The following LARP1 variants were observed in gnomAD, a reference collection of about 807,000 sequenced individuals.
The protein encoded by LARP1 is la-related protein 1.
A neutral mutation model predicts 122.7 loss-of-function variants in LARP1; 36 were observed. That is an observed-to-expected ratio of 0.29 (90% CI 0.22 to 0.39). The LOEUF is 0.39. Among genes scored for constraint, LARP1 ranks in the 10% least tolerant of loss-of-function variants. The pLI is 1.00. For synonymous variants in LARP1, 539 were observed against 528.7 expected (o/e 1.02, Z -0.27); for missense variants, 1,040 against 1,403.6 (o/e 0.74, Z 4.14).
intron 1 of LARP1, among the ~76,000 whole-genome samples, chr5:154,718,017 A>G (rs922241659): frequency 6.6e-6 from 1 of 152,068 alleles, no homozygotes; most frequent in African/African-American, 2.4e-5. Flanking sequence ...TCCTGGGCTC[A>G]AGGAATCCTC....
At chr5:154,800,079 C>T (rs1758220752) in intron 10 of LARP1, 37 bp downstream of exon 10, 1 of 1,600,458 alleles carries the variant, frequency 6.2e-7, no homozygotes, top group South Asian at 1.1e-5. Context: ...GGTTCTAGCA[C>T]TCTGAGCTAG....
chr5:154,684,443 C>A (rs755377708), intron 1 of LARP1, among the ~76,000 whole-genome samples: 2 of 152,088 alleles, frequency 1.3e-5, no homozygotes, highest in African/African-American at 2.4e-5. Context: ...CACACACACA[C>A]ACAAAAAAAT....
upstream of LARP1, among the ~76,000 whole-genome samples, chr5:154,750,460 TG>T (rs1476172782): frequency 6.6e-6 from 1 of 152,058 alleles, no homozygotes; most frequent in East Asian, 1.9e-4. Flanking sequence ...TTTGTAGAGA[TG>T]GTGTTTTGTC....
At chr5:154,781,093 TTAC>T (rs1756385534) in intron 1 of LARP1, among the ~76,000 whole-genome samples, 1 of 151,782 alleles carries the variant, frequency 6.6e-6, no homozygotes, top group Non-Finnish European at 1.5e-5. Flanking sequence ...TGAGTTTGTG[TTAC>T]CTGAGGTGGT....
chr5:154,685,485 C>A (rs1283742407), intron 1 of LARP1, among the ~76,000 whole-genome samples: 1 of 152,074 alleles, frequency 6.6e-6, no homozygotes, highest in Admixed American at 6.6e-5. Flanking sequence ...ATGTTACTTC[C>A]TTGGGGTGCC....
At chr5:154,712,870 C>A in exon 1 of LARP1, 2 of 1,504,108 alleles carry the variant, frequency 1.3e-6, no homozygotes, top group South Asian at 1.1e-5. Flanking sequence ...GCTGTGCGAT[C>A]TGGATGTACC....
chr5:154,754,504 C>T (rs1292860557), upstream of LARP1, among the ~76,000 whole-genome samples: 1 of 152,214 alleles, frequency 6.6e-6, no homozygotes, highest in East Asian at 1.9e-4. Flanking sequence ...TTCAACTCCG[C>T]CCAAAGCAAT....
intron 1 of LARP1, among the ~76,000 whole-genome samples, chr5:154,700,218 C>T: frequency 6.6e-6 from 1 of 152,076 alleles, no homozygotes; most frequent in East Asian, 1.9e-4. Flanking sequence ...GAACAAAATG[C>T]CCAAATTTTA....
chr5:154,786,389 G>A (rs908436646), intron 1 of LARP1: 16 of 447,972 alleles, frequency 3.6e-5, no homozygotes, highest in African/African-American at 8.0e-5. Context: ...AGAAGCCCCC[G>A]GACCCCCTGG....
intron 1 of LARP1, 126 bp from the exon 2 acceptor site, chr5:154,790,199 G>A (rs1047829456): frequency 8.5e-6 from 6 of 704,520 alleles, no homozygotes; most frequent in Non-Finnish European, 1.5e-5. Flanking sequence ...CCTCTCTACT[G>A]TGTCTTTCTC....
At chr5:154,786,451 A>G (rs894576835) in intron 1 of LARP1, 5 of 456,060 alleles carry the variant, frequency 1.1e-5, no homozygotes, top group African/African-American at 6.0e-5. Flanking sequence ...CCTCTGGGAC[A>G]GAAGGTGGTT....
Position 154,803,860 on chromosome 5 carries a change from C to T in LARP1, c.2439+115C>T, listed in dbSNP as rs766931289. The T allele has an allele frequency of 6.4e-5, 70 of 1,088,388 alleles. No individual in the cohort carries two copies. The highest frequency in any genetic ancestry group is 9.3e-5 in the Non-Finnish European group (69 of 739,660). The allele number at this position is 1,088,388 out of a possible 1,614,324, so 67.4% of individuals were successfully genotyped here. ...AAGGAAGTGCTAAATCCTTCACCTG[C>T]TCTGTGTTCTGAGGCTGGTGGGCTT... is the stretch of plus-strand genomic sequence containing the variant. On this transcript the variant is annotated intron_variant, in intron 13 of 18. Transcript: ENST00000518297. The surrounding 1 kb of genome is among the most constrained non-coding windows in gnomAD (Gnocchi z 4.4).
In LARP1 at chr5:154,689,172, G is replaced by A. The variant is rs1582138447; in HGVS notation, c.-180+6135G>A. 3.3e-5 allele frequency among the ~76,000 whole-genome samples: 5 copies of A among 151,812 alleles called. No individual in the cohort carries two copies. In the East Asian group the frequency reaches 9.7e-4, roughly 29 times the overall value. The stretch of plus-strand genomic sequence containing the variant: ...CATGTCTACTAAAAATACAAAAATT[G>A]GCTGGGTGCGGTGGCTCACGCCTGT... On this transcript the variant is annotated intron_variant, in intron 1 of 18. Coordinates refer to the LARP1 transcript ENST00000687700.
At chr5:154,795,137 C>CA in intron 7 of LARP1, 38 bp from the exon 8 acceptor site, 1 of 1,605,042 alleles carries the variant, frequency 6.2e-7, no homozygotes, top group Admixed American at 1.7e-5. Context: ...ACTGATGCAC[C>CA]AATCCCTCGG....
At position 154,732,189 on chromosome 5, in the gene LARP1, CAAA is replaced by C. The variant is rs767228522; in HGVS notation, c.205+19073_205+19075del. Among the ~76,000 whole-genome samples the C allele has an allele frequency of 2.9e-3, 113 of 39,194 alleles. 1 individual carries two copies. Among genetic ancestry groups the C allele is most frequent in the Middle Eastern group, 0.028 (2 of 72 alleles). The allele number at this position is 39,194 out of a possible 152,430, so 25.7% of individuals were successfully genotyped here. ...TAAAACAAAACAAAACAAAACAAAA[CAAA>C]AAAAAAAAAAAAAGAAAGGTGAATC... On this transcript the variant is annotated intron_variant, in intron 1 of 18. Transcript: ENST00000336314.
At chr5:154,714,139 C>A in intron 1 of LARP1, among the ~76,000 whole-genome samples, 1 of 152,090 alleles carries the variant, frequency 6.6e-6, no homozygotes. Context: ...TTCTTATGAC[C>A]AAACAAAGTC....
intron 8 of LARP1, among the ~76,000 whole-genome samples, chr5:154,798,907 C>T (rs531878886): frequency 6.6e-6 from 1 of 152,360 alleles, no homozygotes; most frequent in Admixed American, 6.5e-5. Flanking sequence ...CCCTGTCGCC[C>T]AGGCTGGAGT....
In LARP1 at chr5:154,692,991, A is replaced by AT. The variant is rs1554078476; in HGVS notation, c.-180+9968dup. 7.1e-4 allele frequency among the ~76,000 whole-genome samples: 93 copies of AT among 131,390 alleles called. 2 individuals carry two copies. The highest frequency in any genetic ancestry group is 2.7e-3 in the Admixed American group (33 of 12,266). 86.2% of individuals were successfully genotyped at this position (131,390 alleles called of 152,430 possible). On this transcript the variant is annotated intron_variant, in intron 1 of 18. Transcript: ENST00000687700. Reference sequence around the variant, plus strand: ...ACCCAGCTAATTTTAATTTTTAATTATTTTTTTTTTTTTTGTAGAGACAAA... The same window carrying AT: ...ACCCAGCTAATTTTAATTTTTAATTATTTTTTTTTTTTTTTGTAGAGACAAA...
At chr5:154,726,030 G>A (rs1216735594) in intron 1 of LARP1, among the ~76,000 whole-genome samples, 2 of 152,080 alleles carry the variant, frequency 1.3e-5, no homozygotes, top group African/African-American at 2.4e-5. Context: ...AGTAGAGACG[G>A]GTTATCTCCA....
Sources: gnomAD v4.1 joint callset for allele counts (sites outside exome capture counted in the v4.1 genomes callset) on GRCh38, gnomAD v4.1.1 for gene constraint, Gnocchi (gnomAD v3.1) non-coding constraint, MANE v1.5 for transcripts, NCBI Gene and HGNC (gene_info 2026-07-23, HGNC 2026-07-21) for gene names.